Variants in GTF2IRD1 observed in about 807,000 individuals in gnomAD.
GTF2IRD1 encodes the protein GTF2I repeat domain containing 1.
In GTF2IRD1, 26 loss-of-function variants were observed where a neutral mutation model predicts 113.2. The observed-to-expected ratio is 0.23, with a 90% CI of 0.17 to 0.32. GTF2IRD1 has a LOEUF of 0.32. GTF2IRD1 is among the 10% of genes least tolerant of loss of function. The pLI, the probability that GTF2IRD1 is intolerant of heterozygous loss-of-function variation, is 1.00. For missense variants in GTF2IRD1, 864 were observed against 1,280.8 expected (o/e 0.67, Z 4.97); for synonymous variants, 484 against 529.1 (o/e 0.91, Z 1.17).
chr7:74,536,006 G>A (rs782002420), intron 10 of GTF2IRD1, among the ~76,000 whole-genome samples, 161 bp from the exon 11 acceptor site: 3 of 152,154 alleles, frequency 2.0e-5, no homozygotes, highest in South Asian at 2.1e-4. Flanking sequence ...CCCAGGACCC[G>A]TTCCTGGCTG....
Position 74,538,780 on chromosome 7 carries a change from C to A in GTF2IRD1, c.1528+20C>A. The A allele has an allele frequency of 2.3e-6, 3 of 1,317,572 alleles. No individual in the cohort carries two copies. The highest frequency in any genetic ancestry group is 3.3e-6 in the Non-Finnish European group (3 of 909,988). 81.6% of individuals were successfully genotyped at this position (1,317,572 alleles called of 1,614,324 possible). Reference sequence around the variant, plus strand: ...TCCCAGGTAAGGGACGGGCATCTGACCACCCCCTGCAGAAATCAGGGCCGG... The same window carrying A: ...TCCCAGGTAAGGGACGGGCATCTGAACACCCCCTGCAGAAATCAGGGCCGG... On this transcript the variant is annotated intron_variant, in intron 13 of 26. Transcript: ENST00000424337.
At chr7:74,573,290 T>C (rs1378527073) in intron 22 of GTF2IRD1, among the ~76,000 whole-genome samples, 2 of 151,436 alleles carry the variant, frequency 1.3e-5, no homozygotes, top group African/African-American at 4.9e-5. Context: ...TAGTCCCAGC[T>C]ACTCAGGAGG....
rs1275043431 is a variant in GTF2IRD1, at chr7:74,494,757, A to AT, written c.-6-13315dup. Among the ~76,000 whole-genome samples, 275 of 151,338 alleles carry AT rather than the reference A, an allele frequency of 1.8e-3. 1 individual carries two copies. Among genetic ancestry groups the AT allele is most frequent in the African/African-American group, 5.8e-3 (239 of 41,480 alleles). On this transcript the variant is annotated intron_variant, in intron 1 of 26. Coordinates refer to ENST00000424337, the MANE Select transcript of GTF2IRD1 (RefSeq NM_005685.4). Reference sequence around the variant, plus strand: ...AAACAAAAAACCAAAAAACTTATTTATTTATTTTTTAGAGACAGGGTTCTC... The same window carrying AT: ...AAACAAAAAACCAAAAAACTTATTTATTTTATTTTTTAGAGACAGGGTTCTC...
At chr7:74,459,213 A>C (rs1350819285) in intron 1 of GTF2IRD1, among the ~76,000 whole-genome samples, 1 of 152,104 alleles carries the variant, frequency 6.6e-6, no homozygotes, top group Non-Finnish European at 1.5e-5. Flanking sequence ...AGCACTTTGC[A>C]CTTCGGGAGA....
intron 14 of GTF2IRD1, among the ~76,000 whole-genome samples, chr7:74,544,179 GT>G (rs587714877): frequency 6.6e-5 from 10 of 152,098 alleles, no homozygotes; most frequent in African/African-American, 2.4e-4. Context: ...TCACCTGGAA[GT>G]TTTTTTGTTT....
rs781934279 is a variant in GTF2IRD1 at position 74,518,233 on chromosome 7, C to T, written c.516C>T (p.Gly172=). Residue 172 remains glycine (G), a synonymous_variant, in exon 5 of 27, where the codon GGC becomes GGT. Transcript: ENST00000424337. Reference sequence around the variant, plus strand: ...TGGCCGTGCAGGGGCTGCCCGAAGGCCTGGCCTTCCGAAGGCCAGCCGAGT... The same window carrying T: ...TGGCCGTGCAGGGGCTGCCCGAAGGTCTGGCCTTCCGAAGGCCAGCCGAGT... ...GLLAVQGLPE[G]LAFRRPAEYD... is the part of the protein sequence containing the mutation. 1 of 1,611,794 alleles carries T rather than the reference C, an allele frequency of 6.2e-7. No individual in the cohort carries two copies. The highest frequency in any genetic ancestry group is 2.2e-5 in the East Asian group (1 of 44,844).
At chr7:74,513,623 T>C (rs1554343694) in intron 3 of GTF2IRD1, among the ~76,000 whole-genome samples, 1 of 152,158 alleles carries the variant, frequency 6.6e-6, no homozygotes, top group African/African-American at 2.4e-5. Flanking sequence ...ATAAGATTTA[T>C]TGAATGCCTG....
At chr7:74,573,033 T>C (rs1800784788) in intron 22 of GTF2IRD1, among the ~76,000 whole-genome samples, 2 of 152,064 alleles carry the variant, frequency 1.3e-5, no homozygotes. Flanking sequence ...GGGACTTAGC[T>C]GGGGTCATTG....
chr7:74,482,323 G>T (rs868942249), intron 1 of GTF2IRD1, among the ~76,000 whole-genome samples: 21 of 150,602 alleles, frequency 1.4e-4, no homozygotes, highest in African/African-American at 4.9e-4. Flanking sequence ...AACCTCATGG[G>T]ATCAAGTGAT....
intron 3 of GTF2IRD1, among the ~76,000 whole-genome samples, chr7:74,515,056 CA>C (rs782246030): frequency 0.039 from 2,584 of 66,736 alleles, 15 homozygotes; most frequent in African/African-American, 0.059. Flanking sequence ...GACTCTGTCT[CA>C]AAAAAAAAAA....
intron 22 of GTF2IRD1, among the ~76,000 whole-genome samples, chr7:74,571,390 G>A (rs1346663037): frequency 6.6e-6 from 1 of 152,214 alleles, no homozygotes; most frequent in Non-Finnish European, 1.5e-5. Context: ...CATGGACAGG[G>A]CCCTTCAGGC....
chr7:74,477,491 C>G (rs1554333775), intron 1 of GTF2IRD1, among the ~76,000 whole-genome samples: 1 of 149,126 alleles, frequency 6.7e-6, no homozygotes, highest in Non-Finnish European at 1.5e-5. Flanking sequence ...GTGGGGAGGC[C>G]AGATGCCAGG....
At chr7:74,561,002 G>C (rs1799923964) in intron 22 of GTF2IRD1, among the ~76,000 whole-genome samples, 1 of 152,136 alleles carries the variant, frequency 6.6e-6, no homozygotes, top group African/African-American at 2.4e-5. Context: ...GATTTGCAGG[G>C]GCTGTCCCTG....
At chr7:74,591,851 C>G (rs1554369802) in intron 24 of GTF2IRD1, among the ~76,000 whole-genome samples, 1 of 151,796 alleles carries the variant, frequency 6.6e-6, no homozygotes, top group African/African-American at 2.4e-5. Flanking sequence ...AACTCCTAAG[C>G]TCAAGTGATC....
chr7:74,519,347 G>A, intron 5 of GTF2IRD1, 62 bp from the exon 6 acceptor site: 3 of 1,215,176 alleles, frequency 2.5e-6, no homozygotes, highest in Non-Finnish European at 2.3e-6. Context: ...GTTTTCGGGG[G>A]AAGAGCTGCA....
At chr7:74,591,073 G>A in intron 24 of GTF2IRD1, 56 bp downstream of exon 24, 3 of 1,297,686 alleles carry the variant, frequency 2.3e-6, no homozygotes, top group Non-Finnish European at 3.3e-6. Context: ...TGGGGAGGGT[G>A]AAAGTCAAGG....
At chr7:74,516,428 CT>C (rs777201624) in intron 4 of GTF2IRD1, among the ~76,000 whole-genome samples, 10 of 152,236 alleles carry the variant, frequency 6.6e-5, no homozygotes, top group Non-Finnish European at 1.3e-4. Flanking sequence ...CATGTCTTTC[CT>C]GCAGGAAGAG....
chr7:74,475,178 C>T (rs1554333256), intron 1 of GTF2IRD1, among the ~76,000 whole-genome samples: 1 of 152,112 alleles, frequency 6.6e-6, no homozygotes, highest in African/African-American at 2.4e-5. Context: ...TCACTTGAAC[C>T]CAGGAGTTGG....
intron 1 of GTF2IRD1, among the ~76,000 whole-genome samples, chr7:74,481,562 A>G (rs561128995): frequency 6.6e-6 from 1 of 152,300 alleles, no homozygotes; most frequent in East Asian, 1.9e-4. Context: ...AGAGGGAAGC[A>G]AAGTCAGGCA....
Sources: gnomAD v4.1 joint callset for allele counts (sites outside exome capture counted in the v4.1 genomes callset) on GRCh38, gnomAD v4.1.1 for gene constraint, MANE v1.5 for transcripts, NCBI Gene and HGNC (gene_info 2026-07-23, HGNC 2026-07-21) for gene names.